Variants in CNTNAP2 observed in about 807,000 individuals in gnomAD.
The protein encoded by CNTNAP2 is contactin-associated protein-like 2.
Under a neutral mutation model 155.2 loss-of-function variants are expected in CNTNAP2, and 98 were observed. That is an observed-to-expected ratio of 0.63 (90% CI 0.54 to 0.75). The LOEUF is 0.75. CNTNAP2 is among the 30% of genes least tolerant of loss of function. The pLI is 0.00. For missense variants in CNTNAP2, 1,727 were observed against 1,688.1 expected (o/e 1.02, Z -0.40); for synonymous variants, 651 against 631.2 (o/e 1.03, Z -0.47).
intron 13 of CNTNAP2, among the ~76,000 whole-genome samples, chr7:147,666,406 G>A (rs747101518): frequency 3.3e-5 from 5 of 152,170 alleles, no homozygotes; most frequent in Non-Finnish European, 7.3e-5. Flanking sequence ...TGTGTGTGGT[G>A]ATGCTGGTGT....
Position 146,184,261 on chromosome 7 carries a change from T to C in CNTNAP2, c.97+67288T>C, listed in dbSNP as rs558444339. ...AAGTATTATTTGATTAATCAATTGATAAAATGTCTTGTAGATAAACAAACA... is the reference window on the plus strand; with the variant it reads ...AAGTATTATTTGATTAATCAATTGACAAAATGTCTTGTAGATAAACAAACA... On this transcript the variant is annotated intron_variant, in intron 1 of 23. Transcript: ENST00000361727. Among the ~76,000 whole-genome samples, 3 of 152,316 alleles carry C rather than the reference T, an allele frequency of 2.0e-5. No homozygotes were observed. The East Asian group carries it at 5.8e-4, about 29-fold the overall frequency.
At chr7:147,651,965 C>G (rs1795456536) in intron 13 of CNTNAP2, among the ~76,000 whole-genome samples, 1 of 152,104 alleles carries the variant, frequency 6.6e-6, no homozygotes, top group Non-Finnish European at 1.5e-5. Context: ...TTCTAACTTA[C>G]AGTTGAATCA....
At position 148,258,108 on chromosome 7, in the gene CNTNAP2, G is replaced by A. The variant is rs75064407; in HGVS notation, c.3382-8925G>A. Among the ~76,000 whole-genome samples the A allele has an allele frequency of 4.9e-3, 749 of 152,276 alleles. 4 individuals carry two copies. The highest frequency in any genetic ancestry group is 0.016 in the African/African-American group (655 of 41,548). The stretch of plus-strand genomic sequence containing the variant: ...TAACACTACAGAGAAAGAAATAGCC[G>A]AAAGTCCAGAGGTGAGGTGTTAGCC... On this transcript the variant is annotated intron_variant, in intron 20 of 23. Transcript: ENST00000361727.
chr7:148,350,542 C>T (rs867689639), intron 21 of CNTNAP2, among the ~76,000 whole-genome samples: 24 of 152,090 alleles, frequency 1.6e-4, no homozygotes, highest in South Asian at 2.1e-4. Context: ...TCAATGGGGT[C>T]GATAATACTG....
At chr7:148,293,100 C>A (rs11980306) in intron 21 of CNTNAP2, among the ~76,000 whole-genome samples, 6,677 of 150,716 alleles carry the variant, frequency 0.044, 516 homozygotes, top group African/African-American at 0.15. Flanking sequence ...AAATAAATGA[C>A]CAAAATCTGC....
At chr7:146,219,675 G>A (rs750657219) in intron 1 of CNTNAP2, among the ~76,000 whole-genome samples, 31 of 152,276 alleles carry the variant, frequency 2.0e-4, no homozygotes, top group Non-Finnish European at 3.8e-4. Flanking sequence ...TGGGTCTGGA[G>A]CAATACCTTT....
At chr7:147,451,364 G>A (rs12703909) in intron 10 of CNTNAP2, among the ~76,000 whole-genome samples, 25,081 of 152,044 alleles carry the variant, frequency 0.16, 2,672 homozygotes, top group Non-Finnish European at 0.24. Flanking sequence ...ATAATATCTC[G>A]TTGGCATAGA....
At chr7:146,987,935 TAGCATAGTATAATGACA>T (rs1278458172) in intron 3 of CNTNAP2, among the ~76,000 whole-genome samples, 1 of 152,106 alleles carries the variant, frequency 6.6e-6, no homozygotes, top group Non-Finnish European at 1.5e-5. Context: ...TTAAAGAACC[TAGCATAGTATAATGACA>T]GGTACATAAA....
At chr7:147,889,500 G>C (rs532458314) in intron 13 of CNTNAP2, among the ~76,000 whole-genome samples, 76 of 151,362 alleles carry the variant, frequency 5.0e-4, no homozygotes, top group African/African-American at 1.8e-3. Context: ...GCAAATGAAA[G>C]AGAAAAAAAA....
At chr7:146,594,433 T>C (rs368392827) in intron 1 of CNTNAP2, among the ~76,000 whole-genome samples, 4 of 149,342 alleles carry the variant, frequency 2.7e-5, no homozygotes, top group Non-Finnish European at 6.0e-5. Context: ...TACTAGTGTT[T>C]ACACACACAC....
chr7:146,630,215 T>C (rs192339506), intron 1 of CNTNAP2, among the ~76,000 whole-genome samples: 4 of 152,202 alleles, frequency 2.6e-5, no homozygotes, highest in Middle Eastern at 6.8e-3. Context: ...CTCCCACTAA[T>C]GAGTGAGAAC....
intron 1 of CNTNAP2, among the ~76,000 whole-genome samples, chr7:146,537,608 C>A (rs1027387222): frequency 2.0e-5 from 3 of 151,924 alleles, no homozygotes; most frequent in Admixed American, 6.6e-5. Context: ...GGAGGCCTTG[C>A]GATTTTAAGT....
chr7:146,343,052 A>G (rs1302529986), intron 1 of CNTNAP2, among the ~76,000 whole-genome samples: 1 of 152,092 alleles, frequency 6.6e-6, no homozygotes, highest in Non-Finnish European at 1.5e-5. Context: ...CTGTTTTTCA[A>G]ACGTTACTGT....
intron 17 of CNTNAP2, among the ~76,000 whole-genome samples, chr7:148,168,334 T>G (rs972008910): frequency 6.6e-6 from 1 of 152,036 alleles, no homozygotes; most frequent in Non-Finnish European, 1.5e-5. Context: ...AATGATAGAC[T>G]GGATTAAGAA....
intron 13 of CNTNAP2, among the ~76,000 whole-genome samples, chr7:147,762,660 G>T (rs1349736798): frequency 2.9e-5 from 4 of 139,322 alleles, no homozygotes; most frequent in African/African-American, 7.9e-5. Context: ...TAGTATTTAT[G>T]ATATTAAGGA....
intron 3 of CNTNAP2, among the ~76,000 whole-genome samples, chr7:146,980,488 G>C (rs1020219913): frequency 2.6e-5 from 4 of 152,100 alleles, no homozygotes; most frequent in African/African-American, 9.7e-5. Flanking sequence ...TTTTTGAGTG[G>C]CTATAACAGG....
At chr7:147,199,092 G>C (rs146357419) in intron 8 of CNTNAP2, among the ~76,000 whole-genome samples, 7 of 151,256 alleles carry the variant, frequency 4.6e-5, no homozygotes, top group Non-Finnish European at 8.8e-5. Flanking sequence ...CTCCCGTGTA[G>C]CTGGGACTAC....
At chr7:146,360,923 G>T (rs980442798) in intron 1 of CNTNAP2, among the ~76,000 whole-genome samples, 9 of 152,116 alleles carry the variant, frequency 5.9e-5, no homozygotes, top group Admixed American at 3.9e-4. Flanking sequence ...TGATACTGAG[G>T]TAACTCAAGA....
intron 13 of CNTNAP2, among the ~76,000 whole-genome samples, chr7:147,840,803 G>C (rs1285598279): frequency 6.6e-6 from 1 of 151,906 alleles, no homozygotes; most frequent in Non-Finnish European, 1.5e-5. Flanking sequence ...ACCTTGTCTA[G>C]AATGGGATCT....
Sources: allele counts gnomAD v4.1 joint callset (sites outside exome capture counted in the v4.1 genomes callset), GRCh38; gene constraint gnomAD v4.1.1; transcripts MANE v1.5; gene names NCBI Gene and HGNC (gene_info 2026-07-23, HGNC 2026-07-21).